The following TNS1 variants were observed in gnomAD, a reference collection of about 807,000 sequenced individuals.
The protein encoded by TNS1 is tensin-1.
Under a neutral mutation model 168.6 loss-of-function variants are expected in TNS1, and 62 were observed. The observed-to-expected ratio is 0.37, with a 90% confidence interval of 0.30 to 0.45. The LOEUF (loss-of-function observed/expected upper bound fraction) is 0.45, where lower values mean the gene tolerates loss of function less well. Ranked by LOEUF, TNS1 falls within the 20% of genes least tolerant of loss-of-function variation. The pLI is 1.00. For synonymous variants in TNS1, 934 were observed against 933.2 expected (o/e 1.00, Z -0.02); for missense variants, 2,240 against 2,339.4 (o/e 0.96, Z 0.88).
At chr2:217,977,351 A>T (rs1001015177) in intron 3 of TNS1, among the ~76,000 whole-genome samples, 1 of 152,226 alleles carries the variant, frequency 6.6e-6, no homozygotes, top group African/African-American at 2.4e-5. Context: ...AACCCACTGC[A>T]TGGAGGTACC....
intron 19 of TNS1, among the ~76,000 whole-genome samples, chr2:217,845,275 T>C (rs1366563578): frequency 1.3e-5 from 2 of 152,198 alleles, no homozygotes; most frequent in Non-Finnish European, 2.9e-5. Flanking sequence ...CTTCCTAGGT[T>C]ACTCATGTCA....
intron 18 of TNS1, chr2:217,850,315 T>C: frequency 2.0e-6 from 2 of 985,188 alleles, no homozygotes; most frequent in Non-Finnish European, 2.4e-6. Flanking sequence ...AGGGTGCTGA[T>C]GCAGGGGGTT....
intron 3 of TNS1, among the ~76,000 whole-genome samples, chr2:217,950,202 A>T (rs1377259038): frequency 6.6e-6 from 1 of 152,224 alleles, no homozygotes; most frequent in East Asian, 1.9e-4. Flanking sequence ...ACCGAGCCCA[A>T]TTTTTATTTC....
At chr2:217,884,147 G>GTGGAGGGATGGA (rs1950957628) in intron 16 of TNS1, among the ~76,000 whole-genome samples, 1 of 119,568 alleles carries the variant, frequency 8.4e-6, no homozygotes, top group African/African-American at 3.4e-5. Context: ...GGGTGGGTGG[G>GTGGAGGGATGGA]TGGATGGATG....
intron 14 of TNS1, 82 bp downstream of exon 14, chr2:217,885,962 T>C (rs1028446873): frequency 2.9e-5 from 46 of 1,572,302 alleles, no homozygotes; most frequent in Non-Finnish European, 3.8e-5. Context: ...GAGAATATTC[T>C]CTCCTCTCCC....
chr2:217,810,318 G>A lies in TNS1; in HGVS notation c.5034C>T (p.Asp1678=), dbSNP rs765517124. The change falls in exon 29 of 33, where the codon GAC becomes GAT. Residue 1678 remains aspartate (D), a splice_region_variant and synonymous_variant. Transcript: ENST00000682258. ...AGCTATCTTTCGATTCATCTGTGGG[G>A]TCTAAGACAAAAATTCAGTAGGAAT... ...LPCKLVIPNR[D]PTDESKDSSG... 6.2e-7 allele frequency: 1 copy of A among 1,614,160 alleles called. No homozygotes were observed. The highest frequency in any genetic ancestry group is 8.5e-7 in the Non-Finnish European group (1 of 1,180,024).
At chr2:218,029,092 C>T (rs1958871636) in intron 1 of TNS1, among the ~76,000 whole-genome samples, 1 of 152,224 alleles carries the variant, frequency 6.6e-6, no homozygotes, top group South Asian at 2.1e-4. Flanking sequence ...CCCTCCTGCC[C>T]CTGCTAGGGA....
At chr2:217,967,440 T>G in intron 3 of TNS1, among the ~76,000 whole-genome samples, 1 of 152,100 alleles carries the variant, frequency 6.6e-6, no homozygotes, top group Admixed American at 6.5e-5. Context: ...CTAGATTGAT[T>G]AAGATTCAAA....
chr2:217,917,710 A>G (rs1416080443), intron 4 of TNS1, among the ~76,000 whole-genome samples: 4 of 151,836 alleles, frequency 2.6e-5, no homozygotes, highest in Non-Finnish European at 5.9e-5. Flanking sequence ...GTGCGCCTGT[A>G]GTCCCAGCTA....
intron 28 of TNS1, 59 bp from the exon 29 acceptor site, chr2:217,810,378 G>A: frequency 6.4e-7 from 1 of 1,565,496 alleles, no homozygotes; most frequent in Non-Finnish European, 8.8e-7. Context: ...CACAAGTTTG[G>A]CTGGGCTGAA....
rs144965949 is a variant in TNS1, at chr2:218,019,541, G to T, written c.156+14279C>A. Among the ~76,000 whole-genome samples the T allele has an allele frequency of 2.0e-5, 3 of 152,302 alleles. No homozygotes were observed. In the East Asian group the frequency reaches 5.8e-4, roughly 29 times the overall value. On this transcript the variant is annotated intron_variant, in intron 1 of 1. Coordinates refer to the TNS1 transcript ENST00000649572. The stretch of plus-strand genomic sequence containing the variant: ...GGCACCAAGGAGGAGGACTCACGGG[G>T]CCTCTTTCCACCCTTGGGTCTCTTT...
In TNS1 at chr2:217,988,560, T is replaced by C. The variant is rs372822044; in HGVS notation, c.148+2382A>G. On this transcript the variant is annotated intron_variant, in intron 2 of 32. Coordinates refer to ENST00000682258, the MANE Select transcript of TNS1 (RefSeq NM_001387777.1). ...TGGGGAAGGGCCAGGGGCTAATTTATGCATCTTCGCAGGGCAGGGTGTGGG... is the reference window on the plus strand; with the variant it reads ...TGGGGAAGGGCCAGGGGCTAATTTACGCATCTTCGCAGGGCAGGGTGTGGG... 1.5e-4 allele frequency among the ~76,000 whole-genome samples: 23 copies of C among 152,194 alleles called. 1 individual carries two copies. The highest frequency in any genetic ancestry group is 1.2e-3 in the East Asian group (6 of 5,196).
intron 3 of TNS1, among the ~76,000 whole-genome samples, chr2:217,936,229 G>C (rs1361472050): frequency 7.9e-5 from 12 of 152,106 alleles, no homozygotes; most frequent in Non-Finnish European, 1.8e-4. Context: ...ACAGTAAGGG[G>C]CTACTGTGTT....
intron 11 of TNS1, 134 bp from the exon 12 acceptor site, chr2:217,891,179 C>G (rs1328140146): frequency 1.3e-6 from 1 of 763,188 alleles, no homozygotes. Context: ...GAAGACAAGC[C>G]TCTTCCCCCT....
At chr2:217,894,788 G>T (rs1428020839) in intron 9 of TNS1, among the ~76,000 whole-genome samples, 1 of 152,190 alleles carries the variant, frequency 6.6e-6, no homozygotes, top group East Asian at 1.9e-4. Flanking sequence ...GTACTCCCCA[G>T]CAGGCAGACC....
chr2:218,011,747 C>A (rs529821731), upstream of TNS1, among the ~76,000 whole-genome samples: 1 of 152,110 alleles, frequency 6.6e-6, no homozygotes, highest in African/African-American at 2.4e-5. Flanking sequence ...CTCCCCACCT[C>A]GAGACAAGGC....
intron 6 of TNS1, among the ~76,000 whole-genome samples, chr2:217,904,931 C>T (rs1953474603): frequency 6.6e-6 from 1 of 152,140 alleles, no homozygotes; most frequent in Non-Finnish European, 1.5e-5. Context: ...CAGGATAACA[C>T]CAGACCCCAG....
At chr2:218,031,012 GTGTA>G (rs1352375119) in intron 1 of TNS1, among the ~76,000 whole-genome samples, 1 of 146,736 alleles carries the variant, frequency 6.8e-6, no homozygotes, top group Non-Finnish European at 1.5e-5. Context: ...GAGTGTGGGA[GTGTA>G]TGTGTGTATG....
In TNS1 at chr2:217,876,232, C is replaced by G. The variant is rs532451881; in HGVS notation, c.1429+4666G>C. On this transcript the variant is annotated intron_variant, in intron 18 of 32. Transcript: ENST00000682258. ...TCCATATCCCTTGGTTCAAGGCTTG[C>G]TTCCGAGAAGGCTTGCCCCGGAACA... 2.6e-5 allele frequency among the ~76,000 whole-genome samples: 4 copies of G among 152,306 alleles called. No homozygotes were observed. The East Asian group carries it at 7.7e-4, about 29-fold the overall frequency.
Sources: allele counts gnomAD v4.1 joint callset (sites outside exome capture counted in the v4.1 genomes callset), GRCh38; gene constraint gnomAD v4.1.1; transcripts MANE v1.5; gene names NCBI Gene and HGNC (gene_info 2026-07-23, HGNC 2026-07-21).